NF2: variants seen among roughly 807,000 people sequenced by gnomAD.
NF2 encodes merlin.
Under a neutral mutation model 83.7 loss-of-function variants are expected in NF2, and 8 were observed. That is an observed-to-expected ratio of 0.10 (90% CI 0.06 to 0.17). The LOEUF (loss-of-function observed/expected upper bound fraction) is 0.17, where lower values mean the gene tolerates loss of function less well. NF2 is among the 10% of genes least tolerant of loss of function. The pLI is 1.00. For missense variants in NF2, 533 were observed against 744.4 expected (o/e 0.72, Z 3.31); for synonymous variants, 266 against 269.6 (o/e 0.99, Z 0.13).
At chr22:29,605,595 C>CA (rs140232606) in intron 1 of NF2, among the ~76,000 whole-genome samples, 229 of 152,276 alleles carry the variant, frequency 1.5e-3, no homozygotes, top group African/African-American at 5.3e-3. Context: ...CAGATGCAGC[C>CA]ACCACGCCTG....
intron 1 of NF2, among the ~76,000 whole-genome samples, chr22:29,612,626 C>T (rs1216357150): frequency 2.6e-5 from 4 of 151,692 alleles, no homozygotes; most frequent in African/African-American, 7.3e-5. Flanking sequence ...TGTGAGCCAC[C>T]GTGCCTGGCC....
In NF2 at chr22:29,605,151, ATTT is replaced by A. The variant is rs34646924; in HGVS notation, c.114+1059_114+1061del. Among the ~76,000 whole-genome samples the A allele has an allele frequency of 3.1e-3, 311 of 101,860 alleles. 1 individual carries two copies. The highest frequency in any genetic ancestry group is 7.9e-3 in the African/African-American group (189 of 23,998). 66.8% of individuals were successfully genotyped at this position (101,860 alleles called of 152,430 possible). On this transcript the variant is annotated intron_variant, in intron 1 of 15. Transcript: ENST00000338641. ...AGGCGTGTGCCACCACACCTGGCTA[ATTT>A]TTTTTTTTTTTTTTTTTTTGAGACG...
chr22:29,625,148 C>T (rs757412326), intron 1 of NF2, among the ~76,000 whole-genome samples: 8 of 152,022 alleles, frequency 5.3e-5, no homozygotes, highest in Admixed American at 3.9e-4. Flanking sequence ...AGGATGGTCT[C>T]GATCTCTTGA....
chr22:29,692,561 G>T (rs966063276), intron 15 of NF2, among the ~76,000 whole-genome samples: 67 of 152,180 alleles, frequency 4.4e-4, no homozygotes, highest in Admixed American at 8.5e-4. Flanking sequence ...TGCACAAATG[G>T]GCAGGAGCCT....
intron 1 of NF2, among the ~76,000 whole-genome samples, chr22:29,606,877 T>C (rs368301528): frequency 2.0e-5 from 3 of 152,266 alleles, no homozygotes; most frequent in African/African-American, 7.2e-5. Context: ...GAACCCCATC[T>C]CTACTAAAAA....
rs776610927 is a variant in NF2, at chr22:29,695,363, C to G, written c.*561C>G. Reference sequence around the variant, plus strand: ...TCGTGACGAGCAAGTGCTGGGTCCCCGCCAGGCACCCCGAGGCGGCGCTCT... The same window carrying G: ...TCGTGACGAGCAAGTGCTGGGTCCCGGCCAGGCACCCCGAGGCGGCGCTCT... On this transcript the variant is annotated 3_prime_UTR_variant, in exon 16 of 16. Coordinates refer to ENST00000338641, the MANE Select transcript of NF2 (RefSeq NM_000268.4). This position sits in a 1 kb window ranked among gnomAD's most constrained non-coding sequence, Gnocchi z 5.4. The G allele has an allele frequency of 2.7e-5, 7 of 258,602 alleles. No homozygotes were observed. The highest frequency in any genetic ancestry group is 1.3e-4 in the African/African-American group (6 of 46,268). 16.0% of individuals were successfully genotyped at this position (258,602 alleles called of 1,614,324 possible). A position where few individuals can be genotyped will look rare whatever the true frequency, so the allele number is the denominator to read the frequency against.
At chr22:29,664,843 G>A (rs962482396) in intron 8 of NF2, 147 bp from the exon 9 acceptor site, 1 of 718,160 alleles carries the variant, frequency 1.4e-6, no homozygotes, top group African/African-American at 1.7e-5. Context: ...ATTCCCTGAG[G>A]TTTAGTGCCT....
At chr22:29,622,142 A>G (rs1348134004) in intron 1 of NF2, among the ~76,000 whole-genome samples, 1 of 152,246 alleles carries the variant, frequency 6.6e-6, no homozygotes, top group Non-Finnish European at 1.5e-5. Flanking sequence ...CATTTGAAGG[A>G]CTTCCTCAAC....
intron 15 of NF2, chr22:29,684,310 G>T (rs532850964): frequency 1.3e-5 from 2 of 152,338 alleles, no homozygotes; most frequent in East Asian, 1.9e-4. Context: ...GTTATGGCCA[G>T]CATTGTCACG....
In NF2 at chr22:29,656,219, C is replaced by T. The variant is rs184974377; in HGVS notation, c.599+543C>T. Reference sequence around the variant, plus strand: ...CCTCCCAAAGTGTTGGGATTAGAGGCGTGAGCTGAGCCACTGTGCCTAGCC... The same window carrying T: ...CCTCCCAAAGTGTTGGGATTAGAGGTGTGAGCTGAGCCACTGTGCCTAGCC... On this transcript the variant is annotated intron_variant, in intron 6 of 15. Transcript: ENST00000338641. Among the ~76,000 whole-genome samples, 40 of 152,094 alleles carry T rather than the reference C, an allele frequency of 2.6e-4. No homozygotes were observed. The East Asian group carries it at 5.2e-3, about 20-fold the overall frequency.
chr22:29,670,252 C>T (rs2066741706), intron 10 of NF2, among the ~76,000 whole-genome samples: 1 of 152,096 alleles, frequency 6.6e-6, no homozygotes, highest in Non-Finnish European at 1.5e-5. Context: ...CCTACTTCAG[C>T]CCCCCAAAGT....
chr22:29,649,614 T>C (rs2066085850), intron 4 of NF2, among the ~76,000 whole-genome samples: 3 of 152,050 alleles, frequency 2.0e-5, no homozygotes, highest in South Asian at 2.1e-4. Flanking sequence ...TGGTGGCATA[T>C]GCCTGTAATC....
intron 4 of NF2, among the ~76,000 whole-genome samples, chr22:29,645,227 G>T (rs1054458538): frequency 6.6e-6 from 1 of 152,122 alleles, no homozygotes; most frequent in Admixed American, 6.5e-5. Flanking sequence ...TGTAATATTT[G>T]CTGAGTATTC....
At position 29,695,325 on chromosome 22, in the gene NF2, G is replaced by A. The variant is rs1300041825; in HGVS notation, c.*523G>A. 1 of 271,156 alleles carries A rather than the reference G, an allele frequency of 3.7e-6. No individual in the cohort carries two copies. The highest frequency in any genetic ancestry group is 7.2e-6 in the Non-Finnish European group (1 of 139,588). The allele number at this position is 271,156 out of a possible 1,614,324, so 16.8% of individuals were successfully genotyped here. On this transcript the variant is annotated 3_prime_UTR_variant, in exon 16 of 16. Transcript: ENST00000338641. The surrounding 1 kb of genome is among the most constrained non-coding windows in gnomAD (Gnocchi z 5.4). The stretch of plus-strand genomic sequence containing the variant: ...CCTGCCGGCTTCTCATCGTCAGGGA[G>A]CCCGCCCAGAGCTCGTGACGAGCAA...
chr22:29,688,995 A>G (rs894140239), intron 15 of NF2, among the ~76,000 whole-genome samples: 3 of 152,244 alleles, frequency 2.0e-5, no homozygotes, highest in Admixed American at 2.0e-4. Flanking sequence ...CCTGGCCAAC[A>G]TGGTGAAACC....
chr22:29,675,712 A>G (rs943116384), intron 13 of NF2, among the ~76,000 whole-genome samples: 1 of 152,046 alleles, frequency 6.6e-6, no homozygotes, highest in Non-Finnish European at 1.5e-5. Flanking sequence ...AGATGCACAC[A>G]TGGCCCAGAC....
chr22:29,698,446 C>T lies in NF2; in HGVS notation c.*3644C>T, dbSNP rs372862060. ...AGCCCCTCCAGGGCTTTCAGGGAAG[C>T]GCCATCCATTTTCAAAGATGTCAAA... is the stretch of plus-strand genomic sequence containing the variant. On this transcript the variant is annotated 3_prime_UTR_variant, in exon 16 of 16. Transcript: ENST00000338641. 1.3e-4 allele frequency: 28 copies of T among 218,700 alleles called. 1 individual carries two copies. Among genetic ancestry groups the T allele is most frequent in the East Asian group, 7.3e-4 (11 of 15,136 alleles). The allele number at this position is 218,700 out of a possible 1,614,324, so 13.5% of individuals were successfully genotyped here.
At chr22:29,664,948 C>A in intron 8 of NF2, 42 bp from the exon 9 acceptor site, 1 of 1,427,718 alleles carries the variant, frequency 7.0e-7, no homozygotes, top group Non-Finnish European at 9.9e-7. Context: ...GGTAACATTC[C>A]AGGCTGTCGG....
At chr22:29,692,334 T>TG (rs1218459936) in intron 15 of NF2, among the ~76,000 whole-genome samples, 4 of 152,190 alleles carry the variant, frequency 2.6e-5, no homozygotes, top group Non-Finnish European at 5.9e-5. Flanking sequence ...CTCCTGCTCT[T>TG]GCAAGATAAG....
Sources: gnomAD v4.1 joint callset for allele counts (sites outside exome capture counted in the v4.1 genomes callset) on GRCh38, gnomAD v4.1.1 for gene constraint, Gnocchi (gnomAD v3.1) non-coding constraint, MANE v1.5 for transcripts, NCBI Gene and HGNC (gene_info 2026-07-23, HGNC 2026-07-21) for gene names.